Variants in ZNF208 observed in about 807,000 individuals in gnomAD.
The protein encoded by ZNF208 is zinc finger protein 95.
In ZNF208, 10 loss-of-function variants were observed where a neutral mutation model predicts 12.1. The ratio of observed to expected loss-of-function variants is 0.83; its 90% CI spans 0.51 to 1.40. The LOEUF is 1.40. Among genes scored for constraint, ZNF208 ranks in the 40% most tolerant of loss-of-function variants. The pLI is 0.00. For synonymous variants in ZNF208, 497 were observed against 488.4 expected (o/e 1.02, Z -0.23); for missense variants, 1,652 against 1,485.0 (o/e 1.11, Z -1.85).
chr19:22,004,772 G>A (rs1971017089), intron 1 of ZNF208, among the ~76,000 whole-genome samples: 1 of 152,118 alleles, frequency 6.6e-6, no homozygotes, highest in Admixed American at 6.5e-5. Flanking sequence ...GGTGGAGGGT[G>A]GGAGGACTAA....
chr19:21,970,424 T>A lies in ZNF208; in HGVS notation c.*767A>T, dbSNP rs956519010. 6.6e-6 allele frequency among the ~76,000 whole-genome samples: 1 copy of A among 152,194 alleles called. No homozygotes were observed. The highest frequency in any genetic ancestry group is 2.4e-5 in the African/African-American group (1 of 41,470). Reference sequence around the variant, plus strand: ...AGGAATAGCTAAAAGGCTTGCCACATTCTTCAGATTTGTAGGGTTTCCCTC... The same window carrying A: ...AGGAATAGCTAAAAGGCTTGCCACAATCTTCAGATTTGTAGGGTTTCCCTC... On this transcript the variant is annotated 3_prime_UTR_variant, in exon 4 of 4. Transcript: ENST00000397126.
At chr19:22,010,703 G>C in intron 1 of ZNF208, 89 bp downstream of exon 1, 1 of 1,596,112 alleles carries the variant, frequency 6.3e-7, no homozygotes, top group Non-Finnish European at 8.6e-7. Flanking sequence ...AGCTGACTGC[G>C]GGGAGGCCTG....
rs192558160 is a variant in ZNF208 at position 21,992,454 on chromosome 19, C to T, written c.4-3545G>A. On this transcript the variant is annotated intron_variant, in intron 1 of 3. Transcript: ENST00000397126. ...AGTCTTTCTTTAGCACTGTAGAAAG[C>T]GGGTATCTCCTAACAATTTTTAAAG... Among the ~76,000 whole-genome samples, 837 of 152,286 alleles carry T rather than the reference C, an allele frequency of 5.5e-3. 9 individuals are homozygous for T. Among genetic ancestry groups the T allele is most frequent in the African/African-American group, 0.019 (801 of 41,562 alleles).
Position 21,973,268 on chromosome 19 carries a change from G to A in ZNF208, c.1766C>T (p.Ala589Val). ...AATAAGAATTGCAGATTGGTTAAAA[G>A]CTTTGCCACATTCTTCACATTTGTA... ...KPYKCEECGK[A>V]FNQSAILIKH... Residue 589 changes from alanine (A) to valine (V), a missense_variant, in exon 4 of 4, where the codon GCT (alanine) becomes GTT (valine). Ala to Val is a moderately conservative substitution (Grantham distance 64). Coordinates refer to ENST00000397126, the MANE Select transcript of ZNF208 (RefSeq NM_007153.3). 6.2e-7 allele frequency: 1 copy of A among 1,612,318 alleles called. No individual in the cohort carries two copies. Among genetic ancestry groups the A allele is most frequent in the South Asian group, 1.1e-5 (1 of 90,974 alleles).
intron 1 of ZNF208, among the ~76,000 whole-genome samples, chr19:21,990,641 T>C (rs1034857017): frequency 2.6e-5 from 4 of 152,208 alleles, no homozygotes; most frequent in Admixed American, 1.3e-4. Context: ...AAGTCATTGG[T>C]AGCTTGATGG....
At chr19:21,951,516 A>G (rs1969887509) in intron 4 of ZNF208, among the ~76,000 whole-genome samples, 1 of 152,236 alleles carries the variant, frequency 6.6e-6, no homozygotes, top group Non-Finnish European at 1.5e-5. Flanking sequence ...TTTGCAAAAG[A>G]ATACTCTGTG....
downstream of ZNF208, among the ~76,000 whole-genome samples, chr19:21,965,203 T>G (rs1402958198): frequency 6.6e-6 from 1 of 152,032 alleles, no homozygotes; most frequent in Admixed American, 6.6e-5. Context: ...ATATAATAAA[T>G]CAGAAACTAT....
rs1458452879 is a variant in ZNF208 at position 21,970,600 on chromosome 19, C to T, written c.*591G>A. ...GTTGAAGTCTTTATCACATTCTTCA[C>T]ATTTGTAGGGCTTCTCACCAGTATG... On this transcript the variant is annotated 3_prime_UTR_variant, in exon 4 of 4. Transcript: ENST00000397126. The T allele has an allele frequency of 1.5e-5, 13 of 891,266 alleles. No homozygotes were observed. In the Admixed American group the frequency reaches 2.0e-4, roughly 14 times the overall value. The allele number at this position is 891,266 out of a possible 1,614,324, so 55.2% of individuals were successfully genotyped here.
At chr19:21,952,761 T>C (rs1246059840) in intron 4 of ZNF208, among the ~76,000 whole-genome samples, 1 of 152,102 alleles carries the variant, frequency 6.6e-6, no homozygotes, top group African/African-American at 2.4e-5. Flanking sequence ...GCACCTTTTC[T>C]CCTCCAAAGG....
chr19:21,956,239 C>A (rs901705877), intron 4 of ZNF208, among the ~76,000 whole-genome samples: 1 of 152,286 alleles, frequency 6.6e-6, no homozygotes, highest in East Asian at 1.9e-4. Context: ...AGGTGTCAGT[C>A]GGCCCCTACT....
In ZNF208 at chr19:21,970,820, G is replaced by A. The variant is rs1568442158; in HGVS notation, c.*371C>T. The A allele has an allele frequency of 1.4e-6, 2 of 1,468,178 alleles. No individual in the cohort carries two copies. Among genetic ancestry groups the A allele is most frequent in the East Asian group, 2.3e-5 (1 of 43,910 alleles). The allele number at this position is 1,468,178 out of a possible 1,614,324, so 90.9% of individuals were successfully genotyped here. On this transcript the variant is annotated 3_prime_UTR_variant, in exon 4 of 4. Transcript: ENST00000397126. ...TTTTCTTATGTTTACTAAAGACTGA[G>A]AACCAGCTGAAGGCTTTGCCACTTT...
downstream of ZNF208, among the ~76,000 whole-genome samples, chr19:21,964,529 AAT>A (rs1229314890): frequency 2.0e-5 from 3 of 151,882 alleles, no homozygotes; most frequent in South Asian, 2.1e-4. Flanking sequence ...AACAAAAAAC[AAT>A]ATGCCTTCTT....
At chr19:22,006,174 C>A (rs1214473304) in intron 1 of ZNF208, among the ~76,000 whole-genome samples, 2 of 152,188 alleles carry the variant, frequency 1.3e-5, no homozygotes, top group African/African-American at 2.4e-5. Flanking sequence ...TAAGAACACA[C>A]TGACTTCAGG....
chr19:22,003,183 C>A (rs1409234301), intron 1 of ZNF208, among the ~76,000 whole-genome samples: 1 of 151,926 alleles, frequency 6.6e-6, no homozygotes, highest in South Asian at 2.1e-4. Flanking sequence ...AAAATCAACT[C>A]AAGGTAAATA....
rs1005800175 is a variant in ZNF208 at position 21,971,998 on chromosome 19, C to A, written c.3036G>T (p.Trp1012Cys). The A allele has an allele frequency of 6.8e-6, 11 of 1,612,770 alleles. No individual in the cohort carries two copies. Among genetic ancestry groups the A allele is most frequent in the Non-Finnish European group, 9.3e-6 (11 of 1,179,302 alleles). The change falls in exon 4 of 4, where the codon TGG becomes TGT. Residue 1012 changes from tryptophan (W) to cysteine (C), a missense_variant. By Grantham distance (215) the Trp-to-Cys change is radical (BLOSUM62 -2). Transcript: ENST00000397126. ...KCEECGKAFN[W>C]SSNLMEHKKI... ...TCTTATGTTCCATAAGGTTTGATGACCAGTTGAAAGCTTTGCCACATTCTT... is the reference window on the plus strand; with the variant it reads ...TCTTATGTTCCATAAGGTTTGATGAACAGTTGAAAGCTTTGCCACATTCTT...
In ZNF208 at chr19:21,973,994, C is replaced by T. The variant is rs371394366; in HGVS notation, c.1040G>A (p.Gly347Asp). The T allele has an allele frequency of 8.1e-6, 13 of 1,601,180 alleles. No individual in the cohort carries two copies. Among genetic ancestry groups the T allele is most frequent in the Admixed American group, 5.0e-5 (3 of 59,492 alleles). The change falls in exon 4 of 4, where the codon GGC becomes GAC. Residue 347 changes from glycine (G) to aspartate (D), a missense_variant. By Grantham distance (94) the Gly-to-Asp change is moderately conservative. Coordinates refer to ENST00000397126, the MANE Select transcript of ZNF208 (RefSeq NM_007153.3). ...GATTGAGAACTTACTAAAGGCTTTG[C>T]CACATTCTTTACATTTGTAGGGCTT... ...GEKPYKCKEC[G>D]KAFSKFSILT...
intron 4 of ZNF208, among the ~76,000 whole-genome samples, chr19:21,942,081 A>T (rs2145508476): frequency 6.6e-6 from 1 of 152,340 alleles, no homozygotes; most frequent in Admixed American, 6.5e-5. Context: ...TTCAGGCTTC[A>T]GTTATAAAAT....
At chr19:21,993,930 C>G (rs1380100483) in intron 1 of ZNF208, among the ~76,000 whole-genome samples, 3 of 152,120 alleles carry the variant, frequency 2.0e-5, no homozygotes. Context: ...GTACTATGTG[C>G]TCAATAGGAA....
intron 1 of ZNF208, among the ~76,000 whole-genome samples, chr19:21,992,381 G>A (rs1970756468): frequency 1.3e-5 from 2 of 152,180 alleles, no homozygotes; most frequent in African/African-American, 4.8e-5. Context: ...GAAAGTTCAA[G>A]ATACAGATAT....
Sources: gnomAD v4.1 joint callset for allele counts (sites outside exome capture counted in the v4.1 genomes callset) on GRCh38, gnomAD v4.1.1 for gene constraint, MANE v1.5 for transcripts, NCBI Gene and HGNC (gene_info 2026-07-23, HGNC 2026-07-21) for gene names.